Variants in DYNC1LI1 observed in about 807,000 individuals in gnomAD.
DYNC1LI1 encodes the protein cytoplasmic dynein 1 light intermediate chain 1.
A neutral mutation model predicts 63.8 loss-of-function variants in DYNC1LI1; 19 were observed. That is an observed-to-expected ratio of 0.30 (90% CI 0.21 to 0.44). The LOEUF (loss-of-function observed/expected upper bound fraction) is 0.44, where lower values mean the gene tolerates loss of function less well. DYNC1LI1 is among the 20% of genes least tolerant of loss of function. The probability of loss-of-function intolerance (pLI) is 1.00; values close to 1 mark genes in which losing one functional copy is unlikely to be tolerated. For synonymous variants in DYNC1LI1, 225 were observed against 232.3 expected, an observed-to-expected ratio of 0.97 and a Z score of 0.28; for missense variants, 565 against 630.2, an observed-to-expected ratio of 0.90 and a Z score of 1.11.
At chr3:32,537,926 A>AAT (rs1222233432) in intron 5 of DYNC1LI1, among the ~76,000 whole-genome samples, 302 of 24,812 alleles carry the variant, frequency 0.012, 26 homozygotes, top group African/African-American at 0.052. Flanking sequence ...TTATATATAT[A>AAT]ATATATATAT....
At chr3:32,561,466 A>G (rs1698192547) in intron 2 of DYNC1LI1, among the ~76,000 whole-genome samples, 1 of 150,960 alleles carries the variant, frequency 6.6e-6, no homozygotes, top group Admixed American at 6.6e-5. Context: ...GTCTCTACTA[A>G]AAAATACGAA....
At chr3:32,551,595 G>C (rs1212747199) in intron 2 of DYNC1LI1, among the ~76,000 whole-genome samples, 1 of 152,188 alleles carries the variant, frequency 6.6e-6, no homozygotes, top group Non-Finnish European at 1.5e-5. Context: ...TAGGAGTAAA[G>C]AGACAAGACA....
rs760069043 is a variant in DYNC1LI1, at chr3:32,570,812, C to T, written c.-42G>A. 1 of 1,567,918 alleles carries T rather than the reference C, an allele frequency of 6.4e-7. No individual in the cohort carries two copies. The highest frequency in any genetic ancestry group is 2.4e-5 in the East Asian group (1 of 41,278). On this transcript the variant is annotated 5_prime_UTR_variant, in exon 1 of 13. Coordinates refer to ENST00000273130, the MANE Select transcript of DYNC1LI1 (RefSeq NM_016141.4). ...ACCACTCCCGGCAAGACTAAATGTG[C>T]GAGGCGGCTGAGGCGGTGGCGGTGG... is the stretch of plus-strand genomic sequence containing the variant.
At chr3:32,565,865 C>T (rs529077116) in intron 2 of DYNC1LI1, among the ~76,000 whole-genome samples, 121 of 152,168 alleles carry the variant, frequency 8.0e-4, no homozygotes, top group Middle Eastern at 3.2e-3. Context: ...CCCTCAGCCT[C>T]CTAAAGTGCT....
At chr3:32,557,093 C>G (rs1698124797) in intron 2 of DYNC1LI1, among the ~76,000 whole-genome samples, 1 of 152,308 alleles carries the variant, frequency 6.6e-6, no homozygotes, top group Admixed American at 6.5e-5. Flanking sequence ...TTGCCACAAC[C>G]AAGCTGGACA....
chr3:32,558,115 C>T (rs144602776), intron 2 of DYNC1LI1, among the ~76,000 whole-genome samples: 70 of 152,100 alleles, frequency 4.6e-4, no homozygotes, highest in Admixed American at 1.3e-3. Flanking sequence ...ACACCTGTAG[C>T]CCCAGCTACT....
intron 2 of DYNC1LI1, among the ~76,000 whole-genome samples, chr3:32,569,094 G>A (rs548520917): frequency 6.6e-6 from 1 of 152,068 alleles, no homozygotes; most frequent in South Asian, 2.1e-4. Context: ...TTTGATTCCC[G>A]CCACAACCCT....
At chr3:32,540,629 C>T (rs190465774) in intron 5 of DYNC1LI1, among the ~76,000 whole-genome samples, 42 of 146,312 alleles carry the variant, frequency 2.9e-4, no homozygotes, top group East Asian at 6.0e-4. Flanking sequence ...TGCAGTGAGC[C>T]GAGATTGTTC....
At chr3:32,539,309 T>C (rs560277334) in intron 5 of DYNC1LI1, among the ~76,000 whole-genome samples, 3 of 152,152 alleles carry the variant, frequency 2.0e-5, no homozygotes, top group Non-Finnish European at 4.4e-5. Flanking sequence ...TGTAGCAAAG[T>C]AAAACCTAAG....
intron 6 of DYNC1LI1, 106 bp downstream of exon 6, chr3:32,536,905 A>C: frequency 4.9e-6 from 3 of 611,120 alleles, no homozygotes; most frequent in South Asian, 2.2e-5. Flanking sequence ...CAGAAGGAGA[A>C]ATGTTTACAG....
chr3:32,570,528 C>T, intron 1 of DYNC1LI1, 97 bp downstream of exon 1: 2 of 1,488,944 alleles, frequency 1.3e-6, no homozygotes, highest in Non-Finnish European at 1.8e-6. Context: ...ACGCAGTGGC[C>T]GGGCCCGGCG....
intron 5 of DYNC1LI1, among the ~76,000 whole-genome samples, chr3:32,537,615 TA>T (rs1350084763): frequency 1.3e-5 from 2 of 151,544 alleles, no homozygotes; most frequent in East Asian, 3.9e-4. Flanking sequence ...ACAATCTCAC[TA>T]ATAACAAAAT....
In DYNC1LI1 at chr3:32,526,727, C is replaced by G. The variant is rs1575146089; in HGVS notation, c.*72G>C. The G allele has an allele frequency of 1.4e-5, 17 of 1,191,256 alleles. No homozygotes were observed. In the East Asian group the frequency reaches 3.5e-4, roughly 25 times the overall value. 73.8% of individuals were successfully genotyped at this position (1,191,256 alleles called of 1,614,324 possible). ...GAAGCACTCCAGCTTTCTAATTCCA[C>G]TTTTGAAGGAAAAGGCAGAGGCATG... On this transcript the variant is annotated 3_prime_UTR_variant, in exon 13 of 13. Coordinates refer to ENST00000273130, the MANE Select transcript of DYNC1LI1 (RefSeq NM_016141.4).
intron 2 of DYNC1LI1, among the ~76,000 whole-genome samples, chr3:32,561,901 A>AT (rs1466771758): frequency 2.0e-5 from 3 of 152,178 alleles, no homozygotes; most frequent in Non-Finnish European, 4.4e-5. Context: ...GGTACATGAC[A>AT]TTAAAAAAAA....
At chr3:32,560,608 T>C (rs1294392891) in intron 2 of DYNC1LI1, among the ~76,000 whole-genome samples, 1 of 152,086 alleles carries the variant, frequency 6.6e-6, no homozygotes, top group Non-Finnish European at 1.5e-5. Flanking sequence ...AGCCCTACCT[T>C]TGGATTGATC....
chr3:32,529,039 C>G (rs891436071), intron 11 of DYNC1LI1, among the ~76,000 whole-genome samples: 4 of 152,024 alleles, frequency 2.6e-5, no homozygotes, highest in African/African-American at 9.7e-5. Flanking sequence ...AAGGAAAACA[C>G]TAGAGGAAAA....
At position 32,541,164 on chromosome 3, in the gene DYNC1LI1, A is replaced by C; in HGVS notation, c.611T>G (p.Phe204Cys). Residue 204 changes from phenylalanine to cysteine, a missense_variant, in exon 5 of 13, where the codon TTC (phenylalanine) becomes TGC (cysteine). Coordinates refer to ENST00000273130, the MANE Select transcript of DYNC1LI1 (RefSeq NM_016141.4). ...FQEYVEPGED[F>C]PASPQRRNTA... Reference sequence around the variant, plus strand: ...ATTTCTTCTCTGGGGAGAAGCCGGGAAGTCTTCTCCTGGCTCTACATATTC... The same window carrying C: ...ATTTCTTCTCTGGGGAGAAGCCGGGCAGTCTTCTCCTGGCTCTACATATTC... 1.3e-5 allele frequency: 21 copies of C among 1,612,740 alleles called. No individual in the cohort carries two copies. The highest frequency in any genetic ancestry group is 1.7e-5 in the Non-Finnish European group (20 of 1,179,074).
intron 5 of DYNC1LI1, chr3:32,537,306 G>A: frequency 3.2e-6 from 1 of 314,420 alleles, no homozygotes; most frequent in Non-Finnish European, 5.8e-6. Context: ...TTTTTAAAAA[G>A]CATTAACTTC....
At chr3:32,561,789 T>A (rs1386909191) in intron 2 of DYNC1LI1, among the ~76,000 whole-genome samples, 3 of 151,760 alleles carry the variant, frequency 2.0e-5, no homozygotes, top group African/African-American at 7.3e-5. Flanking sequence ...TGTCTACCAA[T>A]CCATTATAAT....
Sources: allele counts gnomAD v4.1 joint callset (sites outside exome capture counted in the v4.1 genomes callset), GRCh38; gene constraint gnomAD v4.1.1; transcripts MANE v1.5; gene names NCBI Gene and HGNC (gene_info 2026-07-23, HGNC 2026-07-21).